The following TIAM1 variants were observed in gnomAD, a reference collection of about 807,000 sequenced individuals.
TIAM1 encodes TIAM Rac1 associated GEF 1, also known as rho guanine nucleotide exchange factor TIAM1.
Under a neutral mutation model 163.5 loss-of-function variants are expected in TIAM1, and 65 were observed. That is an observed-to-expected ratio of 0.40 (90% confidence interval 0.33 to 0.49). TIAM1 has a LOEUF of 0.49. Among genes scored for constraint, TIAM1 ranks in the 20% least tolerant of loss-of-function variants. The probability of loss-of-function intolerance (pLI) is 0.77; values close to 1 mark genes in which losing one functional copy is unlikely to be tolerated. For synonymous variants in TIAM1, 833 were observed against 810.1 expected (o/e 1.03, Z -0.48); for missense variants, 1,789 against 2,044.7 (o/e 0.87, Z 2.41).
Position 31,186,762 on chromosome 21 carries a change from T to C in TIAM1, c.2662+239A>G, listed in dbSNP as rs112038697. ...CGCCACTGGACTCCAGCCTGGGTGATAGAGCAAGACCTTGTCTCTAAAAAT... is the reference window on the plus strand; with the variant it reads ...CGCCACTGGACTCCAGCCTGGGTGACAGAGCAAGACCTTGTCTCTAAAAAT... On this transcript the variant is annotated intron_variant, in intron 14 of 27. Coordinates refer to ENST00000541036, the MANE Select transcript of TIAM1 (RefSeq NM_001353694.2). Among the ~76,000 whole-genome samples, 597 of 152,034 alleles carry C rather than the reference T, an allele frequency of 3.9e-3. 1 individual carries two copies. The highest frequency in any genetic ancestry group is 0.013 in the African/African-American group (550 of 41,450).
chr21:31,258,155 C>T (rs2146777629), intron 4 of TIAM1, among the ~76,000 whole-genome samples: 1 of 152,196 alleles, frequency 6.6e-6, no homozygotes, highest in Non-Finnish European at 1.5e-5. Flanking sequence ...CTGCCACACA[C>T]ACACCCACTT....
At position 31,266,348 on chromosome 21, in the gene TIAM1, C is replaced by T. The variant is rs749426231; in HGVS notation, c.625G>A (p.Glu209Lys). ...CGCGTTTCCATCCCCCGAGCCTCCTCGCAGTCCTTCTCTTCGGCGGAACCC... is the reference window on the plus strand; with the variant it reads ...CGCGTTTCCATCCCCCGAGCCTCCTTGCAGTCCTTCTCTTCGGCGGAACCC... ...ILGSAEEKDC[E>K]EARGMETRAS... The change falls in exon 4 of 28, where the codon GAG (glutamate) becomes AAG (lysine). Residue 209 changes from glutamate to lysine, a missense_variant. Glu to Lys is a moderately conservative substitution (Grantham distance 56). This residue lies in a region of TIAM1 where 555 missense variants were observed against 564.9 expected (regional missense o/e 0.98). Transcript: ENST00000541036. The T allele has an allele frequency of 7.4e-6, 12 of 1,614,130 alleles. No homozygotes were observed. Among genetic ancestry groups the T allele is most frequent in the East Asian group, 2.2e-5 (1 of 44,894 alleles).
intron 2 of TIAM1, among the ~76,000 whole-genome samples, chr21:31,294,774 G>T (rs1249797161): frequency 6.6e-6 from 1 of 152,228 alleles, no homozygotes; most frequent in East Asian, 1.9e-4. Context: ...AATAGAGCTT[G>T]GTGATCAAAA....
intron 2 of TIAM1, among the ~76,000 whole-genome samples, chr21:31,337,169 T>TGATTAGG (rs1170051570): frequency 7.9e-5 from 12 of 152,086 alleles, no homozygotes; most frequent in African/African-American, 2.9e-4. Context: ...TAGGAAGTGT[T>TGATTAGG]TTCAGAGAAA....
At chr21:31,521,867 G>A (rs577945842) in intron 1 of TIAM1, among the ~76,000 whole-genome samples, 1 of 151,966 alleles carries the variant, frequency 6.6e-6, no homozygotes, top group South Asian at 2.1e-4. Context: ...TGCAATCTTG[G>A]CTCTTAATAA....
Position 31,266,767 on chromosome 21 carries a change from G to A in TIAM1, c.206C>T (p.Ala69Val). ...GGAGAAGGGCTCCAGGCCATTTTCA[G>A]CCAGGGACTGGGGGATGCTGGGGGT... The part of the protein sequence containing the change: ...SSTPSIPQSL[A>V]ENGLEPFSQD... Residue 69 changes from alanine to valine, a missense_variant, in exon 4 of 28, where the codon GCT (alanine) becomes GTT (valine). By Grantham distance (64) the Ala-to-Val change is moderately conservative. Coordinates refer to ENST00000541036, the MANE Select transcript of TIAM1 (RefSeq NM_001353694.2). The A allele has an allele frequency of 1.2e-6, 2 of 1,614,240 alleles. No individual in the cohort carries two copies. The highest frequency in any genetic ancestry group is 1.6e-4 in the Middle Eastern group (1 of 6,062).
intron 2 of TIAM1, among the ~76,000 whole-genome samples, chr21:31,384,831 C>T (rs486443): frequency 0.33 from 50,778 of 152,068 alleles, 8,703 homozygotes; most frequent in Middle Eastern, 0.41. Flanking sequence ...TTCATCTTTA[C>T]AGTTATAACT....
At chr21:31,270,580 C>G (rs1251457669) in intron 3 of TIAM1, among the ~76,000 whole-genome samples, 1 of 152,240 alleles carries the variant, frequency 6.6e-6, no homozygotes, top group Non-Finnish European at 1.5e-5. Flanking sequence ...AACCTCAAGT[C>G]TGGCTTCTCG....
At chr21:31,456,390 C>T (rs1323862360) in intron 2 of TIAM1, among the ~76,000 whole-genome samples, 4 of 152,264 alleles carry the variant, frequency 2.6e-5, no homozygotes, top group Middle Eastern at 3.4e-3. Context: ...GCCTCCCTGC[C>T]GCCCTGGCAA....
intron 2 of TIAM1, among the ~76,000 whole-genome samples, chr21:31,278,639 T>C (rs1030188409): frequency 6.6e-6 from 1 of 152,218 alleles, no homozygotes; most frequent in African/African-American, 2.4e-5. Flanking sequence ...CTATCCAGAA[T>C]GGAACAATAA....
At chr21:31,538,148 A>G (rs1261666709) in intron 1 of TIAM1, among the ~76,000 whole-genome samples, 1 of 152,246 alleles carries the variant, frequency 6.6e-6, no homozygotes, top group Non-Finnish European at 1.5e-5. Context: ...TGCTGGTTAC[A>G]TGGTTTTATC....
At chr21:31,263,387 C>T (rs2072584039) in intron 4 of TIAM1, among the ~76,000 whole-genome samples, 1 of 152,200 alleles carries the variant, frequency 6.6e-6, no homozygotes, top group African/African-American at 2.4e-5. Flanking sequence ...GCCAATGGCA[C>T]TTCCCATTAC....
chr21:31,429,177 T>C (rs2043907580), intron 2 of TIAM1, among the ~76,000 whole-genome samples: 1 of 151,940 alleles, frequency 6.6e-6, no homozygotes, highest in Admixed American at 6.6e-5. Context: ...GGGTTTTGTA[T>C]TTTTTGTAGA....
At chr21:31,256,576 AG>A (rs1160114907) in intron 4 of TIAM1, among the ~76,000 whole-genome samples, 2 of 119,464 alleles carry the variant, frequency 1.7e-5, no homozygotes, top group East Asian at 5.0e-4. Flanking sequence ...CAAAATATTA[AG>A]TACCCCTCAC....
chr21:31,135,212 A>G (rs535156897), intron 23 of TIAM1, among the ~76,000 whole-genome samples: 10 of 152,348 alleles, frequency 6.6e-5, no homozygotes, highest in African/African-American at 2.2e-4. Context: ...GCAATATGCC[A>G]ATAAGCATTT....
At chr21:31,537,979 C>T (rs774662184) in intron 1 of TIAM1, among the ~76,000 whole-genome samples, 2 of 152,086 alleles carry the variant, frequency 1.3e-5, no homozygotes, top group Non-Finnish European at 2.9e-5. Context: ...TAACAGTGAA[C>T]GAAAGACACC....
At chr21:31,380,731 C>A (rs879886315) in intron 2 of TIAM1, among the ~76,000 whole-genome samples, 3 of 152,060 alleles carry the variant, frequency 2.0e-5, no homozygotes, top group African/African-American at 4.8e-5. Flanking sequence ...AGACTCAATA[C>A]CCTACTTTTT....
chr21:31,181,490 C>T (rs1010290926), intron 15 of TIAM1, among the ~76,000 whole-genome samples: 3 of 119,162 alleles, frequency 2.5e-5, no homozygotes, highest in African/African-American at 6.3e-5. Flanking sequence ...CCAGAAGGAG[C>T]GGGGAGAGGA....
chr21:31,317,395 G>A lies in TIAM1; in HGVS notation c.-189+21848C>T, dbSNP rs552004604. ...TTGAACTCGGGAGGCGGAGGTTGTG[G>A]TGAGCCAAGATCGCGCCATTGTACT... On this transcript the variant is annotated intron_variant, in intron 2 of 27. Coordinates refer to ENST00000541036, the MANE Select transcript of TIAM1 (RefSeq NM_001353694.2). Among the ~76,000 whole-genome samples, 15 of 152,332 alleles carry A rather than the reference G, an allele frequency of 9.8e-5. No individual in the cohort carries two copies. In the South Asian group the frequency reaches 3.1e-3, roughly 32 times the overall value.
Sources: gnomAD v4.1 joint callset for allele counts (sites outside exome capture counted in the v4.1 genomes callset) on GRCh38, gnomAD v4.1.1 for gene constraint, gnomAD v4.1.1 regional missense constraint, MANE v1.5 for transcripts, NCBI Gene and HGNC (gene_info 2026-07-23, HGNC 2026-07-21) for gene names.